PRKCA: variants seen among roughly 807,000 people sequenced by gnomAD.
The protein encoded by PRKCA is protein kinase C alpha type.
In PRKCA, 27 loss-of-function variants were observed where a neutral mutation model predicts 87.0. The observed-to-expected ratio is 0.31, with a 90% CI of 0.23 to 0.43. PRKCA has a LOEUF of 0.43. PRKCA is among the 20% of genes least tolerant of loss of function. PRKCA has a pLI of 1.00. For synonymous variants in PRKCA, 329 were observed against 311.1 expected, an observed-to-expected ratio of 1.06 and a Z score of -0.61; for missense variants, 518 against 852.3, an observed-to-expected ratio of 0.61 and a Z score of 4.88.
Position 66,677,825 on chromosome 17 carries a change from G to C in PRKCA, c.530-9286G>C, listed in dbSNP as rs1229062441. On this transcript the variant is annotated intron_variant, in intron 5 of 16. Transcript: ENST00000413366. ...GAAACCTGTCAGTAAAGGCCTCTTTGTTAATTCAGATATAACTCACAGGTC... is the reference window on the plus strand; with the variant it reads ...GAAACCTGTCAGTAAAGGCCTCTTTCTTAATTCAGATATAACTCACAGGTC... Among the ~76,000 whole-genome samples the C allele has an allele frequency of 2.0e-5, 3 of 152,198 alleles. No individual in the cohort carries two copies. In the East Asian group the frequency reaches 5.8e-4, roughly 29 times the overall value.
rs542450037 is a variant in PRKCA, at chr17:66,742,826, G to A, written c.1524+66G>A. ...AACTGTAAACGCAGCCCTCTCATGG[G>A]TTATAGGGTCACTGGCGAATCATGA... is the stretch of plus-strand genomic sequence containing the variant. On this transcript the variant is annotated intron_variant, in intron 13 of 16. Coordinates refer to ENST00000413366, the MANE Select transcript of PRKCA (RefSeq NM_002737.3). The A allele has an allele frequency of 3.6e-4, 555 of 1,553,972 alleles. 6 individuals are homozygous for A. In the African/African-American group the frequency reaches 6.8e-3, roughly 19 times the overall value.
chr17:66,691,792 A>T (rs1241756184), intron 8 of PRKCA, among the ~76,000 whole-genome samples: 2 of 152,182 alleles, frequency 1.3e-5, no homozygotes, highest in Middle Eastern at 3.2e-3. Flanking sequence ...AGTGCATTCG[A>T]GGGAGGAACA....
At chr17:66,799,590 T>G (rs1598956171) in intron 16 of PRKCA, among the ~76,000 whole-genome samples, 5 of 36,328 alleles carry the variant, frequency 1.4e-4, no homozygotes, top group Non-Finnish European at 2.6e-4. Flanking sequence ...GTGATGGTGG[T>G]GGTGGTGATG....
At chr17:66,501,967 G>C (rs753206051) in intron 3 of PRKCA, among the ~76,000 whole-genome samples, 1 of 152,198 alleles carries the variant, frequency 6.6e-6, no homozygotes, top group Non-Finnish European at 1.5e-5. Flanking sequence ...TTCAGGAAGG[G>C]CTAGTGGTGT....
intron 2 of PRKCA, chr17:66,404,256 T>C (rs1284587121): frequency 1.3e-5 from 2 of 152,232 alleles, no homozygotes; most frequent in Non-Finnish European, 2.9e-5. Flanking sequence ...AAATGTTTGT[T>C]GGTAGTTTTC....
intron 3 of PRKCA, among the ~76,000 whole-genome samples, chr17:66,505,489 G>A (rs941687749): frequency 1.3e-5 from 2 of 152,174 alleles, no homozygotes; most frequent in African/African-American, 4.8e-5. Context: ...GAATCCCTAG[G>A]TTGTAGTTCC....
rs1290611366 is a variant in PRKCA, at chr17:66,809,032, T to C, written c.*4995T>C. 1 of 152,230 alleles carries C rather than the reference T, an allele frequency of 6.6e-6. No individual in the cohort carries two copies. The highest frequency in any genetic ancestry group is 2.4e-5 in the African/African-American group (1 of 41,452). 9.4% of individuals were successfully genotyped at this position (152,230 alleles called of 1,614,324 possible). Reference sequence around the variant, plus strand: ...CCAAAATATTTTTTTAAAGTCATTTTCCTTAAGCTGCTTGGGCTACATGTG... The same window carrying C: ...CCAAAATATTTTTTTAAAGTCATTTCCCTTAAGCTGCTTGGGCTACATGTG... On this transcript the variant is annotated 3_prime_UTR_variant, in exon 17 of 17. Coordinates refer to ENST00000413366, the MANE Select transcript of PRKCA (RefSeq NM_002737.3).
intron 2 of PRKCA, among the ~76,000 whole-genome samples, chr17:66,352,443 C>T (rs1907796652): frequency 6.6e-6 from 1 of 150,984 alleles, no homozygotes; most frequent in African/African-American, 2.4e-5. Context: ...TGCTGCAGGG[C>T]TAAGTGATAA....
At chr17:66,784,874 A>G (rs1212998234) in intron 14 of PRKCA, among the ~76,000 whole-genome samples, 1 of 151,864 alleles carries the variant, frequency 6.6e-6, no homozygotes, top group Non-Finnish European at 1.5e-5. Flanking sequence ...GTGCCCCCCC[A>G]AGCTGCCCTG....
At position 66,809,023 on chromosome 17, in the gene PRKCA, A is replaced by C. The variant is rs1976106466; in HGVS notation, c.*4986A>C. On this transcript the variant is annotated 3_prime_UTR_variant, in exon 17 of 17. Transcript: ENST00000413366. ...CACGCCCAGCCAAAATATTTTTTTA[A>C]AGTCATTTTCCTTAAGCTGCTTGGG... 6.6e-6 allele frequency: 1 copy of C among 152,224 alleles called. No homozygotes were observed. The highest frequency in any genetic ancestry group is 1.5e-5 in the Non-Finnish European group (1 of 68,088). The allele number at this position is 152,224 out of a possible 1,614,324, so 9.4% of individuals were successfully genotyped here.
chr17:66,796,984 TTTG>T, intron 16 of PRKCA: 1 of 984,976 alleles, frequency 1.0e-6, no homozygotes. Flanking sequence ...TCTTCTGGGT[TTTG>T]TTTGGTTTTG....
chr17:66,656,915 A>C (rs1971749589), intron 5 of PRKCA, among the ~76,000 whole-genome samples: 1 of 152,190 alleles, frequency 6.6e-6, no homozygotes, highest in Non-Finnish European at 1.5e-5. Flanking sequence ...CTGCTCTGAT[A>C]TCTTAGCAAA....
At chr17:66,788,522 A>T (rs1324537204) in intron 15 of PRKCA, among the ~76,000 whole-genome samples, 1 of 151,952 alleles carries the variant, frequency 6.6e-6, no homozygotes, top group East Asian at 1.9e-4. Context: ...TACTAGATAC[A>T]TGTATAGCAT....
At chr17:66,485,288 T>C (rs927761730) in intron 2 of PRKCA, among the ~76,000 whole-genome samples, 1 of 152,138 alleles carries the variant, frequency 6.6e-6, no homozygotes, top group Non-Finnish European at 1.5e-5. Flanking sequence ...CACATTTAGC[T>C]CTAGAGGTAA....
At chr17:66,564,183 A>C (rs1313912850) in intron 3 of PRKCA, among the ~76,000 whole-genome samples, 1 of 151,576 alleles carries the variant, frequency 6.6e-6, no homozygotes, top group African/African-American at 2.4e-5. Context: ...GGTTCAAGGG[A>C]TTCTCCTGCC....
chr17:66,531,201 A>G (rs28564803), intron 3 of PRKCA, among the ~76,000 whole-genome samples: 39,708 of 152,122 alleles, frequency 0.26, 6,556 homozygotes, highest in African/African-American at 0.45. Context: ...GGACTCCTGC[A>G]TGTTCATCTG....
chr17:66,326,669 A>G (rs1326420732), intron 2 of PRKCA, among the ~76,000 whole-genome samples: 1 of 152,226 alleles, frequency 6.6e-6, no homozygotes, highest in Non-Finnish European at 1.5e-5. Context: ...TGTCAAGATC[A>G]ATTATGTTGA....
rs73333347 is a variant in PRKCA, at chr17:66,433,923, C to T, written c.206-62278C>T. Among the ~76,000 whole-genome samples, 388 of 152,264 alleles carry T rather than the reference C, an allele frequency of 2.5e-3. 3 individuals are homozygous for T. The highest frequency in any genetic ancestry group is 8.9e-3 in the African/African-American group (368 of 41,556). On this transcript the variant is annotated intron_variant, in intron 2 of 16. Transcript: ENST00000413366. ...GCACCTGGTTGTTAACTGAGTTTCC[C>T]TGAGGACCCTCAGTCTTCCTCATTA...
chr17:66,314,623 C>T (rs892733450), intron 2 of PRKCA, among the ~76,000 whole-genome samples: 6 of 152,152 alleles, frequency 3.9e-5, no homozygotes, highest in African/African-American at 1.2e-4. Context: ...GTCCCGTCCA[C>T]GGTGACTGCA....
Sources: gnomAD v4.1 joint callset for allele counts (sites outside exome capture counted in the v4.1 genomes callset) on GRCh38, gnomAD v4.1.1 for gene constraint, MANE v1.5 for transcripts, NCBI Gene and HGNC (gene_info 2026-07-23, HGNC 2026-07-21) for gene names.